MYPN: variants seen among roughly 807,000 people sequenced by gnomAD.
MYPN encodes the protein sarcomeric protein myopalladin, 145 kDa (MYOP).
A neutral mutation model predicts 129.4 loss-of-function variants in MYPN; 63 were observed. The observed-to-expected ratio is 0.49, with a 90% CI of 0.40 to 0.60. The LOEUF (loss-of-function observed/expected upper bound fraction) is 0.60, where lower values mean the gene tolerates loss of function less well. Among genes scored for constraint, MYPN ranks in the 20% least tolerant of loss-of-function variants. The pLI is 0.00. For synonymous variants in MYPN, 629 were observed against 600.9 expected, an observed-to-expected ratio of 1.05 and a Z score of -0.68; for missense variants, 1,596 against 1,635.4, an observed-to-expected ratio of 0.98 and a Z score of 0.42.
chr10:68,112,913 A>G (rs982308826), intron 1 of MYPN, among the ~76,000 whole-genome samples: 2 of 152,228 alleles, frequency 1.3e-5, no homozygotes, highest in African/African-American at 4.8e-5. Context: ...TGATCTGTAC[A>G]TAACTCTCCA....
chr10:68,106,237 GT>G (rs140490765), upstream of MYPN: 1 of 434,670 alleles, frequency 2.3e-6, no homozygotes, highest in Non-Finnish European at 4.5e-6. Flanking sequence ...GTTCTGTTTA[GT>G]TTTTAAAAAT....
At chr10:68,137,644 T>TA (rs1472840097) in intron 2 of MYPN, among the ~76,000 whole-genome samples, 3 of 152,144 alleles carry the variant, frequency 2.0e-5, no homozygotes, top group Non-Finnish European at 2.9e-5. Flanking sequence ...CTGATTTCAT[T>TA]AAAAAAATTT....
intron 12 of MYPN, among the ~76,000 whole-genome samples, chr10:68,176,813 G>A (rs1371626516): frequency 2.6e-5 from 4 of 152,160 alleles, no homozygotes; most frequent in Admixed American, 6.5e-5. Flanking sequence ...TAGAACTAGA[G>A]CTATGGTTTC....
rs774679526 is a variant in MYPN at position 68,092,602 on chromosome 10, C to T, written c.-2+4610C>T. Among the ~76,000 whole-genome samples the T allele has an allele frequency of 1.3e-4, 19 of 151,816 alleles. 1 individual carries two copies. Among genetic ancestry groups the T allele is most frequent in the Non-Finnish European group, 2.2e-4 (15 of 68,004 alleles). On this transcript the variant is annotated intron_variant, in intron 1 of 6. Transcript: ENST00000685154. ...AGGAATGCTAGTTGTTCTTAAGGAT[C>T]GTCAAATTACATGCATTATTCATGA...
chr10:68,185,190 G>A (rs553420242), intron 12 of MYPN, among the ~76,000 whole-genome samples: 5 of 150,506 alleles, frequency 3.3e-5, no homozygotes, highest in African/African-American at 7.4e-5. Flanking sequence ...AGGAGGGAAG[G>A]AGGGAAGGAA....
At chr10:68,133,817 C>G (rs2042445967) in intron 2 of MYPN, among the ~76,000 whole-genome samples, 1 of 150,746 alleles carries the variant, frequency 6.6e-6, no homozygotes, top group Non-Finnish European at 1.5e-5. Flanking sequence ...GCTGGACAAG[C>G]AGGGCAGCAT....
In MYPN at chr10:68,203,706, C is replaced by CACAT. The variant is rs148685889; in HGVS notation, c.3659+1715_3659+1716insTACA. 4.2e-4 allele frequency among the ~76,000 whole-genome samples: 51 copies of CACAT among 120,010 alleles called. 1 individual carries two copies. Among genetic ancestry groups the CACAT allele is most frequent in the East Asian group, 2.2e-3 (6 of 2,768 alleles). 78.7% of individuals were successfully genotyped at this position (120,010 alleles called of 152,430 possible). ...ACGCGCACGCACACACACACACACA[C>CACAT]ACACATACACACACAGAGAGAGAGA... On this transcript the variant is annotated intron_variant, in intron 18 of 19. Coordinates refer to ENST00000358913, the MANE Select transcript of MYPN (RefSeq NM_032578.4).
chr10:68,187,305 T>TAAA (rs1269032572), intron 12 of MYPN, among the ~76,000 whole-genome samples: 1 of 82,684 alleles, frequency 1.2e-5, no homozygotes, highest in African/African-American at 3.8e-5. Context: ...AGACTCCATC[T>TAAA]CAAAAAAAAA....
At chr10:68,206,094 C>A (rs1387653869) in intron 18 of MYPN, among the ~76,000 whole-genome samples, 1 of 152,130 alleles carries the variant, frequency 6.6e-6, no homozygotes, top group Non-Finnish European at 1.5e-5. Context: ...ATAAGAGGGC[C>A]AGGCCAACAA....
At chr10:68,143,861 T>G (rs1198966897) in intron 3 of MYPN, among the ~76,000 whole-genome samples, 1 of 152,182 alleles carries the variant, frequency 6.6e-6, no homozygotes, top group Non-Finnish European at 1.5e-5. Flanking sequence ...TTCAAGTGAT[T>G]CTCGTGCCCC....
At chr10:68,116,974 C>A (rs1327641624) in intron 1 of MYPN, among the ~76,000 whole-genome samples, 1 of 151,958 alleles carries the variant, frequency 6.6e-6, no homozygotes, top group Non-Finnish European at 1.5e-5. Flanking sequence ...AATCCCAACA[C>A]TTTGGGAGGC....
chr10:68,197,497 G>A lies in MYPN; in HGVS notation c.3285+19G>A, dbSNP rs759657951. On this transcript the variant is annotated intron_variant, in intron 16 of 19. Coordinates refer to ENST00000358913, the MANE Select transcript of MYPN (RefSeq NM_032578.4). ...CTGTAAGGTAGACTCCAGCACCCAT[G>A]CTTAGTTCCAGATCTGTTCATATTT... 1 of 1,612,676 alleles carries A rather than the reference G, an allele frequency of 6.2e-7. No homozygotes were observed. The highest frequency in any genetic ancestry group is 2.2e-5 in the East Asian group (1 of 44,798).
rs1191849097 is a variant in MYPN at position 68,206,890 on chromosome 10, G to A, written c.3780G>A (p.Arg1260=). 4 of 1,614,174 alleles carry A rather than the reference G, an allele frequency of 2.5e-6. No individual in the cohort carries two copies. The East Asian group carries it at 6.7e-5, about 27-fold the overall frequency. The change falls in exon 19 of 20, where the codon AGG becomes AGA. Residue 1260 remains arginine (R), a synonymous_variant. Transcript: ENST00000358913. ...NEAGIVSCTA[R]LDIYAQWHHQ... is the part of the protein sequence containing the mutation. ...CCGGCATCGTGTCGTGCACTGCCAGGCTGGATATATACGGTAAGTGTAATG... is the reference window on the plus strand; with the variant it reads ...CCGGCATCGTGTCGTGCACTGCCAGACTGGATATATACGGTAAGTGTAATG...
intron 1 of MYPN, among the ~76,000 whole-genome samples, chr10:68,115,188 G>A (rs985342070): frequency 1.2e-4 from 18 of 151,412 alleles, no homozygotes; most frequent in African/African-American, 4.1e-4. Context: ...GAACCCAGGA[G>A]GCAGAGGTTG....
chr10:68,194,583 C>T, intron 14 of MYPN, 71 bp downstream of exon 14: 2 of 1,536,210 alleles, frequency 1.3e-6, no homozygotes, highest in South Asian at 1.2e-5. Flanking sequence ...TGAATGAGAC[C>T]TTGAGAAGTG....
intron 6 of MYPN, 40 bp from the exon 7 acceptor site, chr10:68,158,446 G>C: frequency 6.3e-7 from 1 of 1,586,606 alleles, no homozygotes; most frequent in Non-Finnish European, 8.6e-7. Context: ...ACAAAAATGT[G>C]TACTTTTTTG....
intron 10 of MYPN, among the ~76,000 whole-genome samples, chr10:68,172,800 C>T (rs7908489): frequency 0.41 from 62,099 of 152,050 alleles, 14,222 homozygotes; most frequent in Non-Finnish European, 0.52. Flanking sequence ...GGGCCGGGCA[C>T]GGTGGCTCGC....
At chr10:68,135,126 AT>A (rs2042467027) in intron 2 of MYPN, among the ~76,000 whole-genome samples, 2 of 151,674 alleles carry the variant, frequency 1.3e-5, no homozygotes, top group South Asian at 4.2e-4. Flanking sequence ...TAATTTTTGT[AT>A]TTTTAGTAGA....
At chr10:68,142,827 T>C (rs1823520782) in intron 2 of MYPN, 113 bp from the exon 3 acceptor site, 3 of 1,018,036 alleles carry the variant, frequency 2.9e-6, no homozygotes, top group Non-Finnish European at 4.6e-6. Context: ...TGGAGTTTTT[T>C]GTTGTTGTTG....
Sources: gnomAD v4.1 joint callset for allele counts (sites outside exome capture counted in the v4.1 genomes callset) on GRCh38, gnomAD v4.1.1 for gene constraint, MANE v1.5 for transcripts, NCBI Gene and HGNC (gene_info 2026-07-23, HGNC 2026-07-21) for gene names.